ANKRD26: variants seen among roughly 807,000 people sequenced by gnomAD.
ANKRD26 encodes the protein ankyrin repeat domain-containing protein 26.
In ANKRD26, 141 loss-of-function variants were observed where a neutral mutation model predicts 208.7. The ratio of observed to expected loss-of-function variants is 0.68; its 90% CI spans 0.59 to 0.78. The LOEUF (loss-of-function observed/expected upper bound fraction) is 0.78, where lower values mean the gene tolerates loss of function less well. Ranked by LOEUF, ANKRD26 falls within the 30% of genes least tolerant of loss-of-function variation. The pLI is 0.00. For synonymous variants in ANKRD26, 636 were observed against 660.4 expected (o/e 0.96, Z 0.57); for missense variants, 1,889 against 1,938.7 (o/e 0.97, Z 0.48).
At chr10:27,083,612 C>A (rs915929791) in intron 5 of ANKRD26, among the ~76,000 whole-genome samples, 1 of 152,174 alleles carries the variant, frequency 6.6e-6, no homozygotes, top group African/African-American at 2.4e-5. Context: ...AGCTTCCTAA[C>A]TTTATGTATT....
chr10:27,045,930 T>A (rs905669583), intron 18 of ANKRD26, among the ~76,000 whole-genome samples: 1 of 152,206 alleles, frequency 6.6e-6, no homozygotes, highest in Non-Finnish European at 1.5e-5. Flanking sequence ...CTTTAAAAGA[T>A]AATGGATCAA....
chr10:27,050,641 A>C (rs2135365095), intron 16 of ANKRD26, among the ~76,000 whole-genome samples: 1 of 152,314 alleles, frequency 6.6e-6, no homozygotes, highest in South Asian at 2.1e-4. Flanking sequence ...ATATTTTTAT[A>C]TCTCTTCTCA....
At chr10:27,048,729 GAAT>G in intron 17 of ANKRD26, 69 bp downstream of exon 17, 1 of 1,459,178 alleles carries the variant, frequency 6.9e-7, no homozygotes, top group Non-Finnish European at 9.5e-7. Flanking sequence ...TATTAATCAT[GAAT>G]ATTAGTCCAA....
intron 25 of ANKRD26, chr10:27,030,705 T>C (rs2053837257): frequency 4.1e-6 from 2 of 483,214 alleles, no homozygotes; most frequent in African/African-American, 2.1e-5. Flanking sequence ...TCTACTTATA[T>C]TTAATTACTT....
At chr10:27,072,330 C>A (rs2055534253) in intron 9 of ANKRD26, among the ~76,000 whole-genome samples, 1 of 152,174 alleles carries the variant, frequency 6.6e-6, no homozygotes. Context: ...TCTGTGGATT[C>A]TTTTGTGCAG....
intron 22 of ANKRD26, 109 bp downstream of exon 22, chr10:27,037,762 G>C: frequency 1.1e-6 from 1 of 903,824 alleles, no homozygotes; most frequent in Non-Finnish European, 1.7e-6. Context: ...GTCAGCTTGA[G>C]ATAACAGTTT....
chr10:26,988,749 A>G (rs1412831625), downstream of ANKRD26, among the ~76,000 whole-genome samples: 2 of 152,168 alleles, frequency 1.3e-5, no homozygotes, highest in Non-Finnish European at 2.9e-5. Flanking sequence ...GATCCTGTAT[A>G]AATCTCCATA....
At chr10:27,095,177 ATT>A (rs570143095) in intron 1 of ANKRD26, among the ~76,000 whole-genome samples, 232 of 152,316 alleles carry the variant, frequency 1.5e-3, no homozygotes, top group African/African-American at 5.2e-3. Flanking sequence ...AGTAATTCTT[ATT>A]GTGTTTTCAA....
chr10:26,967,076 T>C, the ANKRD26 span, among the ~76,000 whole-genome samples: 1 of 152,186 alleles, frequency 6.6e-6, no homozygotes, highest in African/African-American at 2.4e-5. Context: ...CCTTTACTTC[T>C]GGGAGTAAGT....
intron 12 of ANKRD26, among the ~76,000 whole-genome samples, chr10:27,063,242 C>A (rs1315636108): frequency 1.3e-5 from 2 of 152,116 alleles, no homozygotes; most frequent in Non-Finnish European, 2.9e-5. Flanking sequence ...AGTTTTGGTA[C>A]TGGAAGCTCA....
At chr10:27,046,743 C>T (rs750467455) in intron 17 of ANKRD26, among the ~76,000 whole-genome samples, 13 of 152,038 alleles carry the variant, frequency 8.6e-5, no homozygotes, top group Admixed American at 5.9e-4. Flanking sequence ...TTACCAACAA[C>T]ATAAGAGAAA....
chr10:27,100,407 G>GC lies in ANKRD26; in HGVS notation c.-82dup, dbSNP rs1589393653. 9 of 1,568,698 alleles carry GC rather than the reference G, an allele frequency of 5.7e-6. No homozygotes were observed. In the East Asian group the frequency reaches 2.0e-4, roughly 35 times the overall value. On this transcript the variant is annotated 5_prime_UTR_variant, in exon 1 of 34. Transcript: ENST00000376087. ...CTCCGGAGCCCAACATAACAAGTCA[G>GC]CCCCGGCTGGCCGCAGCCTCCCAAA...
At chr10:27,017,364 G>C in intron 30 of ANKRD26, 138 bp downstream of exon 30, 3 of 796,988 alleles carry the variant, frequency 3.8e-6, no homozygotes, top group South Asian at 3.3e-5. Flanking sequence ...TATCTAAAGG[G>C]AGAAACAGAT....
chr10:27,053,312 T>C lies in ANKRD26; in HGVS notation c.1635+8A>G, dbSNP rs762641769. ...ATTAAACCAGAAATTTTTAAAAATATATAATACCTGTGGCTGGTTATTTTC... is the reference window on the plus strand; with the variant it reads ...ATTAAACCAGAAATTTTTAAAAATACATAATACCTGTGGCTGGTTATTTTC... On this transcript the variant is annotated splice_region_variant and intron_variant, in intron 16 of 33. Transcript: ENST00000376087. The C allele has an allele frequency of 8.2e-5, 131 of 1,590,734 alleles. No homozygotes were observed. Among genetic ancestry groups the C allele is most frequent in the South Asian group, 1.1e-5 (1 of 89,988 alleles).
At chr10:27,003,295 CA>C (rs997794354), downstream of ANKRD26, among the ~76,000 whole-genome samples, 8 of 152,100 alleles carry the variant, frequency 5.3e-5, no homozygotes, top group African/African-American at 1.4e-4. Flanking sequence ...TGGCCAAGTC[CA>C]GGGGGCATCT....
intron 9 of ANKRD26, among the ~76,000 whole-genome samples, chr10:27,071,043 A>G (rs1330911536): frequency 1.3e-5 from 2 of 152,156 alleles, no homozygotes; most frequent in Non-Finnish European, 2.9e-5. Context: ...TTAGAAAACA[A>G]TAATAAATTT....
chr10:26,991,639 C>A (rs2052488123), downstream of ANKRD26, among the ~76,000 whole-genome samples: 1 of 152,142 alleles, frequency 6.6e-6, no homozygotes, highest in African/African-American at 2.4e-5. Flanking sequence ...ACGAGGTTCT[C>A]CTTTTTGGTC....
chr10:27,064,265 G>C lies in ANKRD26; in HGVS notation c.1270-184C>G, dbSNP rs998904601. Among the ~76,000 whole-genome samples the C allele has an allele frequency of 1.2e-4, 18 of 152,126 alleles. No homozygotes were observed. The South Asian group carries it at 2.5e-3, about 21-fold the overall frequency. Reference sequence around the variant, plus strand: ...TAAAGAACCTCATATATGCTCACTAGATTAAGCTTATCTTTTCATCTTCAG... The same window carrying C: ...TAAAGAACCTCATATATGCTCACTACATTAAGCTTATCTTTTCATCTTCAG... On this transcript the variant is annotated intron_variant, in intron 11 of 33. Transcript: ENST00000376087.
chr10:27,034,074 T>C (rs1372225243), intron 24 of ANKRD26, among the ~76,000 whole-genome samples: 1 of 152,250 alleles, frequency 6.6e-6, no homozygotes, highest in Non-Finnish European at 1.5e-5. Flanking sequence ...ATGAAAATTA[T>C]GAGCAAATTA....
Sources: gnomAD v4.1 joint callset for allele counts (sites outside exome capture counted in the v4.1 genomes callset) on GRCh38, gnomAD v4.1.1 for gene constraint, MANE v1.5 for transcripts, NCBI Gene and HGNC (gene_info 2026-07-23, HGNC 2026-07-21) for gene names.